Variants in PLPP4 observed in about 807,000 individuals in gnomAD.
PLPP4 encodes phospholipid phosphatase 4.
In PLPP4, 20 loss-of-function variants were observed where a neutral mutation model predicts 32.2. The observed-to-expected ratio is 0.62, with a 90% CI of 0.44 to 0.90. The LOEUF is 0.90. Ranked by LOEUF, PLPP4 falls within the 40% of genes least tolerant of loss-of-function variation. The pLI is 0.00. For missense variants in PLPP4, 257 were observed against 353.1 expected, an observed-to-expected ratio of 0.73 and a Z score of 2.18; for synonymous variants, 127 against 133.0, an observed-to-expected ratio of 0.95 and a Z score of 0.31.
At chr10:120,497,441 G>A (rs1385993926) in intron 1 of PLPP4, among the ~76,000 whole-genome samples, 1 of 151,962 alleles carries the variant, frequency 6.6e-6, no homozygotes, top group South Asian at 2.1e-4. Context: ...ACACACAAGT[G>A]TGTGTTTATG....
chr10:120,495,391 C>A (rs533857377), intron 1 of PLPP4, among the ~76,000 whole-genome samples: 2 of 152,274 alleles, frequency 1.3e-5, no homozygotes, highest in South Asian at 4.1e-4. Context: ...CTCCCTATAA[C>A]CACACCCACC....
chr10:120,530,332 G>T (rs954277414), intron 5 of PLPP4, among the ~76,000 whole-genome samples: 18 of 151,610 alleles, frequency 1.2e-4, no homozygotes, highest in Admixed American at 4.6e-4. Flanking sequence ...GTTTTTTTTT[G>T]TTTGTTTTTT....
chr10:120,570,112 C>G (rs1266758257), intron 5 of PLPP4, among the ~76,000 whole-genome samples: 3 of 152,146 alleles, frequency 2.0e-5, no homozygotes, highest in African/African-American at 7.2e-5. Context: ...TGAAAAGCTT[C>G]CAGCACAGTG....
At chr10:120,478,388 C>A (rs114076089) in intron 1 of PLPP4, among the ~76,000 whole-genome samples, 1,752 of 152,288 alleles carry the variant, frequency 0.012, 50 homozygotes, top group African/African-American at 0.039. Flanking sequence ...ATAGCTGAAG[C>A]TCACCTCTTC....
At chr10:120,519,890 G>C (rs1190664354) in intron 4 of PLPP4, among the ~76,000 whole-genome samples, 1 of 152,212 alleles carries the variant, frequency 6.6e-6, no homozygotes, top group African/African-American at 2.4e-5. Context: ...CCTGTGTGAG[G>C]ACCCTCATTC....
At chr10:120,571,749 T>C (rs1471791932) in intron 5 of PLPP4, among the ~76,000 whole-genome samples, 1 of 152,134 alleles carries the variant, frequency 6.6e-6, no homozygotes, top group Non-Finnish European at 1.5e-5. Flanking sequence ...CAGTATGGGT[T>C]GGTAGAGTCT....
chr10:120,551,171 A>G (rs912006362), intron 5 of PLPP4, among the ~76,000 whole-genome samples: 2 of 152,214 alleles, frequency 1.3e-5, no homozygotes, highest in Non-Finnish European at 2.9e-5. Flanking sequence ...TTAGGGAAAT[A>G]CAAATTAAAA....
chr10:120,524,912 T>A (rs759757986), intron 5 of PLPP4, among the ~76,000 whole-genome samples: 1 of 151,282 alleles, frequency 6.6e-6, no homozygotes, highest in Non-Finnish European at 1.5e-5. Context: ...CTGATTCAAC[T>A]TCCAGAGAGA....
chr10:120,517,692 C>A (rs1052799537), intron 3 of PLPP4, among the ~76,000 whole-genome samples: 7 of 152,192 alleles, frequency 4.6e-5, no homozygotes, highest in African/African-American at 1.7e-4. Context: ...TGTGTCCCTC[C>A]CATTCTTTCT....
chr10:120,499,247 C>T (rs932092191), intron 1 of PLPP4, among the ~76,000 whole-genome samples: 1 of 152,172 alleles, frequency 6.6e-6, no homozygotes, highest in Non-Finnish European at 1.5e-5. Context: ...GTCCTCTACG[C>T]TGAATGGCTT....
chr10:120,561,269 A>G (rs1170467705), intron 5 of PLPP4, among the ~76,000 whole-genome samples: 1 of 152,188 alleles, frequency 6.6e-6, no homozygotes, highest in Non-Finnish European at 1.5e-5. Flanking sequence ...ATTATCTTCT[A>G]ACAGTCCTAT....
intron 5 of PLPP4, among the ~76,000 whole-genome samples, chr10:120,574,187 CT>C (rs1849098387): frequency 1.4e-4 from 16 of 117,620 alleles, no homozygotes; most frequent in African/African-American, 6.0e-4. Context: ...CTCTCTCTCT[CT>C]CTCTCTCTCT....
chr10:120,487,391 T>C (rs940517799), intron 1 of PLPP4, among the ~76,000 whole-genome samples: 3 of 152,346 alleles, frequency 2.0e-5, no homozygotes, highest in Admixed American at 6.5e-5. Context: ...TAAAGCGGGA[T>C]CGTTCTGATT....
At chr10:120,508,665 G>A (rs980793909) in intron 2 of PLPP4, among the ~76,000 whole-genome samples, 5 of 152,082 alleles carry the variant, frequency 3.3e-5, no homozygotes, top group African/African-American at 9.7e-5. Flanking sequence ...AGGGATTGAC[G>A]CCCCTTCCTG....
intron 1 of PLPP4, 27 bp downstream of exon 1, chr10:120,457,388 G>A (rs1198600631): frequency 6.6e-7 from 1 of 1,525,206 alleles, no homozygotes. Context: ...CGCGGGCAGG[G>A]CGCACTGACG....
At chr10:120,553,410 G>A (rs1211077199) in intron 5 of PLPP4, among the ~76,000 whole-genome samples, 1 of 152,272 alleles carries the variant, frequency 6.6e-6, no homozygotes, top group East Asian at 1.9e-4. Context: ...ACCATGTGAT[G>A]ACACAGTAAG....
chr10:120,498,665 T>C (rs1011826731), intron 1 of PLPP4, among the ~76,000 whole-genome samples: 2 of 151,872 alleles, frequency 1.3e-5, no homozygotes, highest in African/African-American at 4.8e-5. Context: ...TTTTTTTTTT[T>C]TTCTTTTTTT....
chr10:120,538,046 C>CTG (rs1564825161), intron 5 of PLPP4, among the ~76,000 whole-genome samples: 3 of 24,704 alleles, frequency 1.2e-4, no homozygotes, highest in East Asian at 1.5e-3. Context: ...CTCTCTCTCT[C>CTG]TCTCTCTGTG....
intron 6 of PLPP4, among the ~76,000 whole-genome samples, chr10:120,589,074 A>G (rs966033465): frequency 1.1e-4 from 16 of 152,110 alleles, no homozygotes; most frequent in Non-Finnish European, 2.2e-4. Context: ...AAAACAAAAC[A>G]AAAAACCGGG....
Sources: allele counts gnomAD v4.1 joint callset (sites outside exome capture counted in the v4.1 genomes callset), GRCh38; gene constraint gnomAD v4.1.1; transcripts MANE v1.5; gene names NCBI Gene and HGNC (gene_info 2026-07-23, HGNC 2026-07-21).